The following ZFHX4 variants were observed in gnomAD, a reference collection of about 807,000 sequenced individuals.
ZFHX4 encodes the protein zinc finger homeobox 4.
ZFHX4 carries 56 observed loss-of-function variants against 267.6 expected under a neutral mutation model. The observed-to-expected ratio is 0.21, with a 90% CI of 0.17 to 0.26. ZFHX4 has a LOEUF of 0.26. Among genes scored for constraint, ZFHX4 ranks in the 10% least tolerant of loss-of-function variants. ZFHX4 has a pLI of 1.00. For missense variants in ZFHX4, 4,332 were observed against 4,420.0 expected (o/e 0.98, Z 0.56); for synonymous variants, 1,778 against 1,665.6 (o/e 1.07, Z -1.64).
chr8:76,852,704 G>A lies in ZFHX4; in HGVS notation c.5783G>A (p.Arg1928Lys), dbSNP rs376628744. Residue 1928 changes from arginine (R) to lysine (K), a missense_variant, in exon 10 of 11, where the codon AGG (arginine) becomes AAG (lysine). By Grantham distance (26) the Arg-to-Lys change is conservative (BLOSUM62 2). Coordinates refer to ENST00000651372, the MANE Select transcript of ZFHX4 (RefSeq NM_024721.5). ...CTGGTCATTCAGTATAACGAAAACA[G>A]GCAGAAGGTACAGAAGAAGGGCAAA... Reference protein sequence around the residue: ...FELVIQYNENRQKVQKKGKSG... With the variant: ...FELVIQYNENKQKVQKKGKSG... 3 of 1,613,868 alleles carry A rather than the reference G, an allele frequency of 1.9e-6. No homozygotes were observed. Among genetic ancestry groups the A allele is most frequent in the Non-Finnish European group, 2.5e-6 (3 of 1,179,854 alleles).
intron 10 of ZFHX4, 95 bp from the exon 11 acceptor site, chr8:76,862,999 A>G (rs926688680): frequency 1.4e-6 from 2 of 1,422,098 alleles, no homozygotes; most frequent in African/African-American, 1.4e-5. Flanking sequence ...TGATATAGCA[A>G]TGTCCTTAGT....
At chr8:76,751,425 C>G (rs1809611093) in intron 3 of ZFHX4, among the ~76,000 whole-genome samples, 1 of 152,060 alleles carries the variant, frequency 6.6e-6, no homozygotes, top group Non-Finnish European at 1.5e-5. Flanking sequence ...CAATAGACAT[C>G]AGTAATTAAT....
In ZFHX4 at chr8:76,855,406, A is replaced by C; in HGVS notation, c.8485A>C (p.Ser2829Arg). Residue 2829 changes from serine (S) to arginine (R), a missense_variant, in exon 10 of 11, where the codon AGT becomes CGT. Transcript: ENST00000651372. Reference sequence around the variant, plus strand: ...CACTGAAATGGAAAGCACCACAGGAAGTTCCGGAGATGTGAAACCGGCTTT... The same window carrying C: ...CACTGAAATGGAAAGCACCACAGGACGTTCCGGAGATGTGAAACCGGCTTT... The part of the protein sequence containing the change: ...GNTEMESTTG[S>R]SGDVKPALSP... 6.2e-7 allele frequency: 1 copy of C among 1,613,722 alleles called. No homozygotes were observed. The highest frequency in any genetic ancestry group is 1.1e-5 in the South Asian group (1 of 91,058).
intron 5 of ZFHX4, among the ~76,000 whole-genome samples, chr8:76,837,137 TAGGG>T (rs1812113085): frequency 6.6e-6 from 1 of 152,084 alleles, no homozygotes. Flanking sequence ...TGAGATCGTC[TAGGG>T]AGGTAATGTA....
chr8:76,769,941 A>C lies in ZFHX4; in HGVS notation c.3094-8267A>C, dbSNP rs377539835. 2.1e-3 allele frequency among the ~76,000 whole-genome samples: 313 copies of C among 152,246 alleles called. 2 individuals are homozygous for C. The highest frequency in any genetic ancestry group is 7.4e-3 in the African/African-American group (306 of 41,574). On this transcript the variant is annotated intron_variant, in intron 3 of 10. Coordinates refer to ENST00000651372, the MANE Select transcript of ZFHX4 (RefSeq NM_024721.5). ...TGTGGAATGAAAACTAGGGTCAGAAACTGTGGGAGCTGCTGCCTCCTGCTA... is the reference window on the plus strand; with the variant it reads ...TGTGGAATGAAAACTAGGGTCAGAACCTGTGGGAGCTGCTGCCTCCTGCTA...
At chr8:76,773,964 C>A (rs1390374494) in intron 3 of ZFHX4, among the ~76,000 whole-genome samples, 2 of 152,008 alleles carry the variant, frequency 1.3e-5, no homozygotes, top group African/African-American at 4.8e-5. Flanking sequence ...TTCTGTGAAA[C>A]TAAGAATTCT....
At chr8:76,818,428 G>A (rs955000256) in intron 4 of ZFHX4, among the ~76,000 whole-genome samples, 4 of 152,134 alleles carry the variant, frequency 2.6e-5, no homozygotes, top group African/African-American at 9.7e-5. Context: ...ATGCCTTGAA[G>A]ACCAAGCAAA....
chr8:76,682,866 C>T (rs943201714), intron 1 of ZFHX4, among the ~76,000 whole-genome samples: 2 of 152,114 alleles, frequency 1.3e-5, no homozygotes, highest in African/African-American at 4.8e-5. Flanking sequence ...CGCCGGGTCT[C>T]TCCTTCCTTC....
rs1812931452 is a variant in ZFHX4, at chr8:76,863,437, T to C, written c.9723T>C (p.Ile3241=). The C allele has an allele frequency of 6.2e-7, 1 of 1,613,956 alleles. No individual in the cohort carries two copies. The highest frequency in any genetic ancestry group is 8.5e-7 in the Non-Finnish European group (1 of 1,179,866). The change falls in exon 11 of 11, where the codon ATT becomes ATC. Residue 3241 remains isoleucine, a synonymous_variant. Transcript: ENST00000651372. Reference sequence around the variant, plus strand: ...TAGGTGAAACACATGTCGATCCTATTCAGTTGCAGGCATTACAGAATGCAA... The same window carrying C: ...TAGGTGAAACACATGTCGATCCTATCCAGTTGCAGGCATTACAGAATGCAA... ...KVVGETHVDP[I]QLQALQNAIA...
chr8:76,727,847 T>C (rs1040742744), intron 3 of ZFHX4, among the ~76,000 whole-genome samples: 5 of 152,130 alleles, frequency 3.3e-5, no homozygotes, highest in African/African-American at 1.2e-4. Flanking sequence ...TCAAATACAA[T>C]AGAACGTTCC....
rs142741182 is a variant in ZFHX4, at chr8:76,747,889, G to A, written c.3094-30319G>A. Among the ~76,000 whole-genome samples the A allele has an allele frequency of 6.0e-3, 918 of 152,112 alleles. 14 individuals carry two copies. The highest frequency in any genetic ancestry group is 0.04 in the Admixed American group (615 of 15,276). ...GGAGGTTGCAGTGAGCCGAGATTGC[G>A]TCACTGCACTTCCAGCCTGGGCAAC... On this transcript the variant is annotated intron_variant, in intron 3 of 10. Coordinates refer to ENST00000651372, the MANE Select transcript of ZFHX4 (RefSeq NM_024721.5).
chr8:76,821,596 T>A (rs1254377848), intron 4 of ZFHX4, among the ~76,000 whole-genome samples: 1 of 151,972 alleles, frequency 6.6e-6, no homozygotes, highest in Non-Finnish European at 1.5e-5. Flanking sequence ...TCATTCCTGA[T>A]CAGTTTTCTT....
At chr8:76,740,746 G>T (rs373274508) in intron 3 of ZFHX4, among the ~76,000 whole-genome samples, 1 of 152,166 alleles carries the variant, frequency 6.6e-6, no homozygotes, top group Non-Finnish European at 1.5e-5. Flanking sequence ...GAGGGCAATT[G>T]TGCTAGAAAT....
At position 76,852,322 on chromosome 8, in the gene ZFHX4, C is replaced by A; in HGVS notation, c.5401C>A (p.Gln1801Lys). 6.4e-7 allele frequency: 1 copy of A among 1,554,444 alleles called. No homozygotes were observed. The highest frequency in any genetic ancestry group is 1.2e-5 in the South Asian group (1 of 84,626). Residue 1801 changes from glutamine (Q) to lysine (K), a missense_variant, in exon 10 of 11, where the codon CAA (glutamine) becomes AAA (lysine). Coordinates refer to ENST00000651372, the MANE Select transcript of ZFHX4 (RefSeq NM_024721.5). Reference protein sequence around the residue: ...TQLQILQQQAQQYQATQPQLQ... With the variant: ...TQLQILQQQAKQYQATQPQLQ... ...ACTCCAGATACTACAGCAACAAGCA[C>A]AACAATACCAAGCCACACAGCCCCA...
Position 76,855,661 on chromosome 8 carries a change from G to A in ZFHX4, c.8740G>A (p.Gly2914Arg). 3.1e-6 allele frequency: 5 copies of A among 1,613,818 alleles called. No individual in the cohort carries two copies. Among genetic ancestry groups the A allele is most frequent in the East Asian group, 2.2e-5 (1 of 44,832 alleles). ...GGACCCGAGCTCCCCAAATCCATTC[G>A]GATCCAGCAATCCCTTTAAATCCAA... The part of the protein sequence containing the change: ...IADPSSPNPF[G>R]SSNPFKSKSN... The change falls in exon 10 of 11, where the codon GGA (glycine) becomes AGA (arginine). Residue 2914 changes from glycine (G) to arginine (R), a missense_variant. Gly to Arg is a moderately radical substitution (Grantham distance 125). Transcript: ENST00000651372.
Position 76,864,401 on chromosome 8 carries a change from G to C in ZFHX4, c.10687G>C (p.Gly3563Arg), listed in dbSNP as rs1452116296. The change falls in exon 11 of 11, where the codon GGG becomes CGG. Residue 3563 changes from glycine to arginine, a missense_variant. Coordinates refer to ENST00000651372, the MANE Select transcript of ZFHX4 (RefSeq NM_024721.5). Reference protein sequence around the residue: ...TVTSSLCSTSGVQTSLPTESC... With the variant: ...TVTSSLCSTSRVQTSLPTESC... ...TACCTCAAGTTTGTGCAGCACCTCA[G>C]GGGTTCAAACCTCACTACCCACAGA... The C allele has an allele frequency of 1.1e-5, 17 of 1,613,776 alleles. No homozygotes were observed. Among genetic ancestry groups the C allele is most frequent in the Non-Finnish European group, 1.4e-5 (17 of 1,179,854 alleles).
intron 4 of ZFHX4, among the ~76,000 whole-genome samples, chr8:76,811,301 A>G (rs369940439): frequency 6.6e-6 from 1 of 152,204 alleles, no homozygotes; most frequent in East Asian, 1.9e-4. Flanking sequence ...AAATTAGGAA[A>G]TCTTCACGAA....
Position 76,759,811 on chromosome 8 carries a change from A to G in ZFHX4, c.3094-18397A>G, listed in dbSNP as rs559140384. ...GAAATGTTTAATTTGTGATTTATAC[A>G]TCATATCCTTGGTGGAATGAAGTGG... On this transcript the variant is annotated intron_variant, in intron 3 of 10. Coordinates refer to ENST00000651372, the MANE Select transcript of ZFHX4 (RefSeq NM_024721.5). Among the ~76,000 whole-genome samples the G allele has an allele frequency of 4.9e-4, 74 of 152,216 alleles. 1 individual carries two copies. The highest frequency in any genetic ancestry group is 8.7e-4 in the Non-Finnish European group (59 of 68,026).
chr8:76,704,453 G>A lies in ZFHX4; in HGVS notation c.365G>A (p.Ser122Asn). ...NESEISELED[S>N]DVENLTGEIV... ...AGCGAGATCAGCGAGTTAGAGGACA[G>A]TGACGTGGAAAATCTAACAGGGGAG... The change falls in exon 2 of 11, where the codon AGT becomes AAT. Residue 122 changes from serine to asparagine, a missense_variant. Around this residue, in one of 7 missense-constraint regions of ZFHX4, gnomAD observed 1,195 missense variants for 1,173.6 expected, o/e 1.02. Transcript: ENST00000651372. 6.2e-7 allele frequency: 1 copy of A among 1,614,040 alleles called. No individual in the cohort carries two copies. Among genetic ancestry groups the A allele is most frequent in the Non-Finnish European group, 8.5e-7 (1 of 1,179,910 alleles).
Sources: gnomAD v4.1 joint callset for allele counts (sites outside exome capture counted in the v4.1 genomes callset) on GRCh38, gnomAD v4.1.1 for gene constraint, gnomAD v4.1.1 regional missense constraint, MANE v1.5 for transcripts, NCBI Gene and HGNC (gene_info 2026-07-23, HGNC 2026-07-21) for gene names.